Variants in PTGIS observed in about 807,000 individuals in gnomAD.
PTGIS encodes prostaglandin I2 synthase, also known as prostacyclin synthase.
A neutral mutation model predicts 50.3 loss-of-function variants in PTGIS; 45 were observed. That is an observed-to-expected ratio of 0.90 (90% CI 0.70 to 1.15). The LOEUF (loss-of-function observed/expected upper bound fraction) is 1.15. PTGIS is among the 50% of genes most tolerant of loss of function. The probability of loss-of-function intolerance (pLI) is 0.00; values close to 1 mark genes in which losing one functional copy is unlikely to be tolerated. For missense variants in PTGIS, 668 were observed against 661.3 expected (o/e 1.01, Z -0.11); for synonymous variants, 260 against 267.7 (o/e 0.97, Z 0.28).
chr20:49,512,302 CAGAT>C (rs911860249), intron 8 of PTGIS, among the ~76,000 whole-genome samples: 2 of 147,408 alleles, frequency 1.4e-5, no homozygotes, highest in African/African-American at 5.1e-5. Context: ...GATGAATGGA[CAGAT>C]GGATGCATGG....
chr20:49,554,241 C>CTGT (rs1197417351), intron 1 of PTGIS, among the ~76,000 whole-genome samples: 2 of 152,156 alleles, frequency 1.3e-5, no homozygotes, highest in Non-Finnish European at 2.9e-5. Context: ...CAGGTCCTAA[C>CTGT]TGTTGTAGCC....
rs957329527 is a variant in PTGIS, at chr20:49,538,745, C to T, written c.673+825G>A. Among the ~76,000 whole-genome samples the T allele has an allele frequency of 6.6e-5, 10 of 151,990 alleles. No homozygotes were observed. The East Asian group carries it at 1.5e-3, about 24-fold the overall frequency. The stretch of plus-strand genomic sequence containing the variant: ...TGTCACTCAGGCTGGAGTGCAGTGG[C>T]GTGATCACAGCTCACTGCAACCTCC... On this transcript the variant is annotated intron_variant, in intron 5 of 9. Transcript: ENST00000244043.
At chr20:49,564,972 C>CTT (rs397864477) in intron 1 of PTGIS, among the ~76,000 whole-genome samples, 23 of 136,082 alleles carry the variant, frequency 1.7e-4, no homozygotes, top group South Asian at 4.7e-4. Context: ...CTTGTTTGCC[C>CTT]TTTTTTTTTT....
Position 49,514,277 on chromosome 20 carries a change from G to A in PTGIS, c.974C>T (p.Ser325Leu), listed in dbSNP as rs746476312. ...CTTCTGTGGGAGAGTGGTCGTCTGC[G>A]AGACAGGCTGCTCCGCTTGCCAAAG... ...SILWQAEQPV[S>L]QTTTLPQKVL... Residue 325 changes from serine (S) to leucine (L), a missense_variant, in exon 7 of 10, where the codon TCG (serine) becomes TTG (leucine). Coordinates refer to ENST00000244043, the MANE Select transcript of PTGIS (RefSeq NM_000961.4). 1.2e-6 allele frequency: 2 copies of A among 1,614,116 alleles called. No individual in the cohort carries two copies. The highest frequency in any genetic ancestry group is 1.7e-5 in the Admixed American group (1 of 60,032).
intron 7 of PTGIS, 37 bp from the exon 8 acceptor site, chr20:49,513,298 A>G: frequency 6.2e-7 from 1 of 1,600,482 alleles, no homozygotes; most frequent in South Asian, 1.1e-5. Context: ...TCAGCGGGCT[A>G]TCCCTTCACC....
At position 49,567,931 on chromosome 20, in the gene PTGIS, A is replaced by G. The variant is rs1251314464; in HGVS notation, c.74+112T>C. On this transcript the variant is annotated intron_variant, in intron 1 of 9. Coordinates refer to ENST00000244043, the MANE Select transcript of PTGIS (RefSeq NM_000961.4). ...CCGAGGGTCTCGCCTTGCCCGGGAT[A>G]CTGGAGCGGGACTCGGGCCGGGCCG... 18 of 1,018,538 alleles carry G rather than the reference A, an allele frequency of 1.8e-5. No individual in the cohort carries two copies. The East Asian group carries it at 5.0e-4, about 28-fold the overall frequency. The allele number at this position is 1,018,538 out of a possible 1,614,324, so 63.1% of individuals were successfully genotyped here.
intron 5 of PTGIS, among the ~76,000 whole-genome samples, chr20:49,531,697 G>C (rs1981940453): frequency 6.6e-6 from 1 of 152,096 alleles, no homozygotes; most frequent in African/African-American, 2.4e-5. Context: ...GCGTAGTCTG[G>C]CTCACTGCAC....
intron 8 of PTGIS, among the ~76,000 whole-genome samples, chr20:49,511,720 T>C (rs983524474): frequency 6.6e-6 from 1 of 152,220 alleles, no homozygotes; most frequent in Non-Finnish European, 1.5e-5. Flanking sequence ...GCAAGGGTTG[T>C]AGCTGAGCAC....
At chr20:49,521,288 A>G (rs1231747349) in intron 6 of PTGIS, among the ~76,000 whole-genome samples, 1 of 152,200 alleles carries the variant, frequency 6.6e-6, no homozygotes, top group African/African-American at 2.4e-5. Context: ...TCAGGATTCA[A>G]ACTCAGGCTG....
intron 5 of PTGIS, among the ~76,000 whole-genome samples, chr20:49,536,478 CTTTTTTTTTT>C (rs761478359): frequency 8.3e-5 from 9 of 108,662 alleles, no homozygotes; most frequent in African/African-American, 3.3e-4. Context: ...TTCTTTCTTT[CTTTTTTTTTT>C]TTTTTTTTTT....
Position 49,514,253 on chromosome 20 carries a change from T to G in PTGIS, c.998A>C (p.Lys333Thr), listed in dbSNP as rs749152004. 6.2e-7 allele frequency: 1 copy of G among 1,613,952 alleles called. No individual in the cohort carries two copies. The highest frequency in any genetic ancestry group is 8.5e-7 in the Non-Finnish European group (1 of 1,180,012). The change falls in exon 7 of 10, where the codon AAG (lysine) becomes ACG (threonine). Residue 333 changes from lysine (K) to threonine (T), a missense_variant. Lys to Thr is a moderately conservative substitution (Grantham distance 78). Coordinates refer to ENST00000244043, the MANE Select transcript of PTGIS (RefSeq NM_000961.4). ...AAGCACAGGTGTGCTGTCTAGAACC[T>G]TCTGTGGGAGAGTGGTCGTCTGCGA... ...PVSQTTTLPQ[K>T]VLDSTPVLDS...
chr20:49,514,534 G>T, intron 6 of PTGIS, 139 bp from the exon 7 acceptor site: 1 of 1,073,132 alleles, frequency 9.3e-7, no homozygotes, highest in Non-Finnish European at 1.4e-6. Flanking sequence ...CATGACCAGT[G>T]TCTATCTCCA....
intron 5 of PTGIS, among the ~76,000 whole-genome samples, chr20:49,528,438 C>T (rs1981846826): frequency 6.6e-6 from 1 of 151,986 alleles, no homozygotes; most frequent in Non-Finnish European, 1.5e-5. Context: ...ATGGTGAAAC[C>T]CCATCTCTAA....
chr20:49,518,211 G>A (rs561829138), intron 6 of PTGIS, among the ~76,000 whole-genome samples: 4 of 152,312 alleles, frequency 2.6e-5, no homozygotes, highest in African/African-American at 7.2e-5. Context: ...AGAATATCCC[G>A]AGTGTGATGA....
At position 49,538,662 on chromosome 20, in the gene PTGIS, CATTTATTTATTT is replaced by C. The variant is rs373597100; in HGVS notation, c.673+896_673+907del. On this transcript the variant is annotated intron_variant, in intron 5 of 9. Transcript: ENST00000244043. ...AAATGTTTAGATCCACTTCTCAGTG[CATTTATTTATTT>C]ATTTATTTATTTATTTATTTATTTA... Among the ~76,000 whole-genome samples, 941 of 148,416 alleles carry C rather than the reference CATTTATTTATTT, an allele frequency of 6.3e-3. 5 individuals carry two copies. The highest frequency in any genetic ancestry group is 0.032 in the South Asian group (151 of 4,672).
At chr20:49,532,999 C>T (rs555630377) in intron 5 of PTGIS, among the ~76,000 whole-genome samples, 1 of 152,288 alleles carries the variant, frequency 6.6e-6, no homozygotes, top group South Asian at 2.1e-4. Context: ...GCTGCCAGGC[C>T]CACGGTGATT....
At chr20:49,534,342 C>T (rs1410933785) in intron 5 of PTGIS, among the ~76,000 whole-genome samples, 1 of 152,196 alleles carries the variant, frequency 6.6e-6, no homozygotes, top group Non-Finnish European at 1.5e-5. Flanking sequence ...TCAAGCACCC[C>T]ACAGCAATGT....
At position 49,513,206 on chromosome 20, in the gene PTGIS, C is replaced by T; in HGVS notation, c.1080G>A (p.Glu360=). The T allele has an allele frequency of 6.2e-7, 1 of 1,614,094 alleles. No individual in the cohort carries two copies. ...TGGGCATGGCCAGGTCCACCACAAC[C>T]TCGCGGGTGATGAAGGGGGCAGCTG... The part of the protein sequence containing the change: ...RLTAAPFITR[E]VVVDLAMPMA... Residue 360 remains glutamate (E), a synonymous_variant, in exon 8 of 10, where the codon GAG becomes GAA. Transcript: ENST00000244043.
rs1313589608 is a variant in PTGIS, at chr20:49,540,634, C to CT, written c.522-914dup. Among the ~76,000 whole-genome samples the CT allele has an allele frequency of 6.6e-6, 1 of 152,084 alleles. No individual in the cohort carries two copies. Among genetic ancestry groups the CT allele is most frequent in the African/African-American group, 2.4e-5 (1 of 41,406 alleles). On this transcript the variant is annotated intron_variant, in intron 4 of 9. Coordinates refer to ENST00000244043, the MANE Select transcript of PTGIS (RefSeq NM_000961.4). This position sits in a 1 kb window ranked among gnomAD's most constrained non-coding sequence, Gnocchi z 4.8. The stretch of plus-strand genomic sequence containing the variant: ...GGTAAGACATGGGAGCTAGCATGAG[C>CT]TCTCATGTGCTCTCACTGAGGCACA...
Sources: gnomAD v4.1 joint callset for allele counts (sites outside exome capture counted in the v4.1 genomes callset) on GRCh38, gnomAD v4.1.1 for gene constraint, Gnocchi (gnomAD v3.1) non-coding constraint, MANE v1.5 for transcripts, NCBI Gene and HGNC (gene_info 2026-07-23, HGNC 2026-07-21) for gene names.